The following KCNIP1 variants were observed in gnomAD, a reference collection of about 807,000 sequenced individuals.
KCNIP1 encodes A-type potassium channel modulatory protein KCNIP1.
In KCNIP1, 18 loss-of-function variants were observed where a neutral mutation model predicts 33.0. That is an observed-to-expected ratio of 0.55 (90% CI 0.38 to 0.81). The LOEUF (loss-of-function observed/expected upper bound fraction) is 0.81. Ranked by LOEUF, KCNIP1 falls within the 30% of genes least tolerant of loss-of-function variation. KCNIP1 has a pLI of 0.00. For missense variants in KCNIP1, 238 were observed against 271.6 expected (o/e 0.88, Z 0.87); for synonymous variants, 93 against 98.3 (o/e 0.95, Z 0.32).
intron 1 of KCNIP1, among the ~76,000 whole-genome samples, chr5:170,609,884 A>G (rs1759076740): frequency 6.6e-6 from 1 of 152,068 alleles, no homozygotes. Context: ...ATAAACAAAT[A>G]CTACTTTGCT....
chr5:170,371,113 C>T (rs1333656539), intron 1 of KCNIP1, among the ~76,000 whole-genome samples: 2 of 152,158 alleles, frequency 1.3e-5, no homozygotes, highest in Non-Finnish European at 2.9e-5. Flanking sequence ...TACCAGTCTC[C>T]CTTCTGTTCT....
At chr5:170,712,954 G>A (rs752018872) in intron 1 of KCNIP1, 23 of 1,331,380 alleles carry the variant, frequency 1.7e-5, no homozygotes, top group Non-Finnish European at 2.5e-5. Context: ...TCTTAATCAA[G>A]CTCATGTTTT....
chr5:170,380,046 G>A (rs567085541), intron 1 of KCNIP1, among the ~76,000 whole-genome samples: 9 of 152,268 alleles, frequency 5.9e-5, no homozygotes, highest in African/African-American at 2.2e-4. Context: ...GTTGGCAAGC[G>A]GGTATTTGAC....
In KCNIP1 at chr5:170,652,266, T is replaced by C. The variant is rs565382251; in HGVS notation, c.62-66492T>C. Among the ~76,000 whole-genome samples, 43 of 152,136 alleles carry C rather than the reference T, an allele frequency of 2.8e-4. No homozygotes were observed. In the South Asian group the frequency reaches 8.5e-3, roughly 30 times the overall value. ...TGGGAGGCCAAGGTGGATGATTCGC[T>C]TGAGCCCAGGAGTTCAAGACTAGCC... On this transcript the variant is annotated intron_variant, in intron 1 of 7. Transcript: ENST00000328939.
chr5:170,677,359 G>A (rs1166115395), intron 1 of KCNIP1, among the ~76,000 whole-genome samples: 1 of 152,128 alleles, frequency 6.6e-6, no homozygotes, highest in African/African-American at 2.4e-5. Flanking sequence ...CACTTACTGG[G>A]TATCAGGGAC....
chr5:170,532,631 C>T (rs1278310472), intron 1 of KCNIP1, among the ~76,000 whole-genome samples: 1 of 152,154 alleles, frequency 6.6e-6, no homozygotes, highest in African/African-American at 2.4e-5. Flanking sequence ...ATCCATTGGC[C>T]TGTACATATC....
At chr5:170,592,251 T>C (rs1484128177) in intron 1 of KCNIP1, among the ~76,000 whole-genome samples, 3 of 152,230 alleles carry the variant, frequency 2.0e-5, no homozygotes, top group Admixed American at 6.5e-5. Flanking sequence ...TTTCATGTTC[T>C]TACTGACCTT....
intron 5 of KCNIP1, among the ~76,000 whole-genome samples, chr5:170,724,335 A>G (rs1763936004): frequency 2.0e-5 from 3 of 152,198 alleles, no homozygotes; most frequent in Admixed American, 1.3e-4. Context: ...AAAGGAAACA[A>G]CTACAAAACA....
intron 1 of KCNIP1, among the ~76,000 whole-genome samples, chr5:170,449,394 G>A (rs749733947): frequency 4.6e-5 from 7 of 152,116 alleles, no homozygotes; most frequent in Non-Finnish European, 8.8e-5. Context: ...CACACCCTTG[G>A]ACCACAGTTT....
At chr5:170,610,190 C>G (rs577693350) in intron 1 of KCNIP1, among the ~76,000 whole-genome samples, 5 of 152,136 alleles carry the variant, frequency 3.3e-5, no homozygotes, top group Non-Finnish European at 5.9e-5. Context: ...TCTGGTTTAA[C>G]GAGCCCCCTA....
At chr5:170,488,126 G>A (rs1757136073) in intron 1 of KCNIP1, among the ~76,000 whole-genome samples, 2 of 152,180 alleles carry the variant, frequency 1.3e-5, no homozygotes, top group Admixed American at 1.3e-4. Flanking sequence ...TATTAAAATT[G>A]CCTAATCAAC....
intron 1 of KCNIP1, among the ~76,000 whole-genome samples, chr5:170,429,389 G>GTATA (rs34186221): frequency 6.6e-6 from 1 of 150,752 alleles, no homozygotes; most frequent in East Asian, 2.0e-4. Flanking sequence ...ACATATATAT[G>GTATA]TATATATATA....
chr5:170,638,224 GC>G (rs1441391242), intron 1 of KCNIP1, among the ~76,000 whole-genome samples: 4 of 152,156 alleles, frequency 2.6e-5, no homozygotes, highest in African/African-American at 9.7e-5. Flanking sequence ...GGAGGAGGCA[GC>G]CAGGCCAGGT....
At chr5:170,604,184 G>A (rs760498113) in intron 1 of KCNIP1, among the ~76,000 whole-genome samples, 3 of 152,246 alleles carry the variant, frequency 2.0e-5, no homozygotes, top group South Asian at 2.1e-4. Context: ...GGGAAGGGCC[G>A]GGGAGAAGGG....
At chr5:170,406,348 G>A (rs1446243513) in intron 1 of KCNIP1, among the ~76,000 whole-genome samples, 1 of 152,160 alleles carries the variant, frequency 6.6e-6, no homozygotes, top group Non-Finnish European at 1.5e-5. Flanking sequence ...TGAGGGCAAG[G>A]GCTCTGGAGT....
At chr5:170,388,036 G>A (rs1283220134) in intron 1 of KCNIP1, among the ~76,000 whole-genome samples, 2 of 152,194 alleles carry the variant, frequency 1.3e-5, no homozygotes, top group Non-Finnish European at 1.5e-5. Flanking sequence ...CAGCGCCCAG[G>A]GCCATGGCCT....
chr5:170,531,513 C>T (rs1232144946), intron 1 of KCNIP1, among the ~76,000 whole-genome samples: 1 of 152,150 alleles, frequency 6.6e-6, no homozygotes, highest in South Asian at 2.1e-4. Flanking sequence ...AAATCATCCC[C>T]GGGCAAGCCC....
intron 1 of KCNIP1, among the ~76,000 whole-genome samples, chr5:170,395,722 G>A (rs1314874658): frequency 6.6e-6 from 1 of 152,204 alleles, no homozygotes; most frequent in Non-Finnish European, 1.5e-5. Flanking sequence ...CCTGACTTGA[G>A]CCTTAGTGAG....
At chr5:170,367,611 A>G (rs1763729228) in intron 1 of KCNIP1, among the ~76,000 whole-genome samples, 1 of 152,118 alleles carries the variant, frequency 6.6e-6, no homozygotes, top group Non-Finnish European at 1.5e-5. Context: ...GTAAAACCAA[A>G]GGAGACCTCT....
Sources: gnomAD v4.1 joint callset for allele counts (sites outside exome capture counted in the v4.1 genomes callset) on GRCh38, gnomAD v4.1.1 for gene constraint, MANE v1.5 for transcripts, NCBI Gene and HGNC (gene_info 2026-07-23, HGNC 2026-07-21) for gene names.